PCNX1: variants seen among roughly 807,000 people sequenced by gnomAD.
PCNX1 encodes pecanex-like protein 1.
Under a neutral mutation model 242.2 loss-of-function variants are expected in PCNX1, and 78 were observed. That is an observed-to-expected ratio of 0.32 (90% CI 0.27 to 0.39). PCNX1 has a LOEUF of 0.39. PCNX1 is among the 10% of genes least tolerant of loss of function. PCNX1 has a pLI of 1.00. For synonymous variants in PCNX1, 1,024 were observed against 1,032.9 expected (o/e 0.99, Z 0.17); for missense variants, 2,581 against 2,856.5 (o/e 0.90, Z 2.20).
intron 1 of PCNX1, among the ~76,000 whole-genome samples, chr14:70,925,568 C>CT (rs71305848): frequency 0.096 from 10,222 of 106,864 alleles, 786 homozygotes; most frequent in African/African-American, 0.15. Flanking sequence ...CTTACCTCAT[C>CT]TTTTTTTTTT....
intron 1 of PCNX1, among the ~76,000 whole-genome samples, chr14:70,928,898 T>C (rs2056686537): frequency 1.3e-5 from 2 of 152,210 alleles, no homozygotes; most frequent in African/African-American, 2.4e-5. Context: ...CGTTACACTT[T>C]TGGCTTGCTG....
chr14:70,982,589 C>T (rs540376125), intron 6 of PCNX1, among the ~76,000 whole-genome samples: 1 of 152,254 alleles, frequency 6.6e-6, no homozygotes, highest in Middle Eastern at 3.4e-3. Flanking sequence ...AAAGCTTAGA[C>T]ATATATAAAA....
intron 18 of PCNX1, among the ~76,000 whole-genome samples, chr14:71,035,705 C>T (rs1462349575): frequency 1.3e-5 from 2 of 149,876 alleles, no homozygotes; most frequent in Non-Finnish European, 3.0e-5. Flanking sequence ...GTCAGGAGTT[C>T]GAGATCAGCC....
chr14:70,975,925 A>G (rs781316331), intron 5 of PCNX1, among the ~76,000 whole-genome samples: 2 of 152,114 alleles, frequency 1.3e-5, no homozygotes, highest in Admixed American at 6.6e-5. Context: ...TGCTATACCA[A>G]TAATGAAAGA....
In PCNX1 at chr14:70,941,914, G is replaced by C. The variant is rs1859467; in HGVS notation, c.154-5001G>C. Among the ~76,000 whole-genome samples the C allele has an allele frequency of 8.5e-4, 130 of 152,320 alleles. No homozygotes were observed. The Middle Eastern group carries it at 0.034, about 40-fold the overall frequency. ...TAGGAGTGAGCGAGGCTCTGTGGGC[G>C]TGGGACCCTCCGAACAAGGCGTGGG... On this transcript the variant is annotated intron_variant, in intron 1 of 35. Transcript: ENST00000304743.
intron 15 of PCNX1, among the ~76,000 whole-genome samples, chr14:71,027,792 A>G (rs2060277292): frequency 6.6e-6 from 1 of 151,924 alleles, no homozygotes; most frequent in Non-Finnish European, 1.5e-5. Context: ...GGTATGAATT[A>G]AGACAGAACT....
chr14:71,025,189 G>T (rs1385149990), intron 13 of PCNX1, among the ~76,000 whole-genome samples: 3 of 152,118 alleles, frequency 2.0e-5, no homozygotes, highest in Non-Finnish European at 2.9e-5. Context: ...GTATGTATTG[G>T]TGTGGATAAA....
rs377161291 is a variant in PCNX1 at position 71,000,640 on chromosome 14, C to G, written c.2629+4715C>G. Reference sequence around the variant, plus strand: ...CTCCTGGGTTCAAGCGATTTTGCTGCCTTAGCCTCCCGAGTAGCTGGGATT... The same window carrying G: ...CTCCTGGGTTCAAGCGATTTTGCTGGCTTAGCCTCCCGAGTAGCTGGGATT... On this transcript the variant is annotated intron_variant, in intron 8 of 35. Coordinates refer to ENST00000304743, the MANE Select transcript of PCNX1 (RefSeq NM_014982.3). Among the ~76,000 whole-genome samples the G allele has an allele frequency of 5.9e-5, 9 of 151,336 alleles. 1 individual carries two copies. The East Asian group carries it at 1.5e-3, about 26-fold the overall frequency.
chr14:70,911,520 T>C (rs940525530), intron 1 of PCNX1, among the ~76,000 whole-genome samples: 2 of 152,336 alleles, frequency 1.3e-5, no homozygotes, highest in African/African-American at 4.8e-5. Flanking sequence ...ACTCATTCTT[T>C]TTTATCTAGT....
intron 30 of PCNX1, among the ~76,000 whole-genome samples, chr14:71,095,113 C>CTCTT (rs10691472): frequency 0.55 from 83,042 of 151,544 alleles, 23,902 homozygotes; most frequent in East Asian, 0.74. Flanking sequence ...TTCATCTGTT[C>CTCTT]TCTTGTCCTC....
In PCNX1 at chr14:70,969,053, A is replaced by C; in HGVS notation, c.547A>C (p.Ile183Leu). 1 of 1,610,168 alleles carries C rather than the reference A, an allele frequency of 6.2e-7. No homozygotes were observed. The highest frequency in any genetic ancestry group is 1.3e-5 in the African/African-American group (1 of 74,950). The change falls in exon 5 of 36, where the codon ATC (isoleucine) becomes CTC (leucine). Residue 183 changes from isoleucine to leucine, a missense_variant. Ile to Leu is a conservative substitution (Grantham distance 5, BLOSUM62 2). This residue lies in a region of PCNX1 where 1,204 missense variants were observed against 1,216.7 expected (regional missense o/e 0.99). Coordinates refer to ENST00000304743, the MANE Select transcript of PCNX1 (RefSeq NM_014982.3). The stretch of plus-strand genomic sequence containing the variant: ...AGACACTGCTAAGACTTCTGATGAT[A>C]TCAGTTTAAGTCTGGGCCAAAGTTC... ...DTDTAKTSDDISLSLGQSSSL... is the reference protein window; with the variant it reads ...DTDTAKTSDDLSLSLGQSSSL...
intron 1 of PCNX1, among the ~76,000 whole-genome samples, chr14:70,914,897 G>T (rs553668335): frequency 6.6e-6 from 1 of 152,100 alleles, no homozygotes; most frequent in Non-Finnish European, 1.5e-5. Context: ...GCATGTTGTA[G>T]AATATCAGCG....
intron 19 of PCNX1, among the ~76,000 whole-genome samples, chr14:71,039,603 T>C (rs1422133546): frequency 6.6e-6 from 1 of 152,178 alleles, no homozygotes; most frequent in Non-Finnish European, 1.5e-5. Flanking sequence ...CCTGGTACAT[T>C]GTGAGAAGAG....
chr14:70,944,017 C>T (rs978673050), intron 1 of PCNX1, among the ~76,000 whole-genome samples: 1 of 152,214 alleles, frequency 6.6e-6, no homozygotes, highest in African/African-American at 2.4e-5. Flanking sequence ...GATGTCTGGG[C>T]AGAAGTCTGC....
At position 71,073,861 on chromosome 14, in the gene PCNX1, A is replaced by G. The variant is rs2061647153; in HGVS notation, c.5106+63A>G. On this transcript the variant is annotated intron_variant, in intron 27 of 35. Coordinates refer to ENST00000304743, the MANE Select transcript of PCNX1 (RefSeq NM_014982.3). ...GAGTTTCTTCTTGGGAATGACATAT[A>G]TAAGTATATATATATGTATATACTT... The G allele has an allele frequency of 5.8e-6, 7 of 1,210,614 alleles. No individual in the cohort carries two copies. In the East Asian group the frequency reaches 1.7e-4, roughly 29 times the overall value. The allele number at this position is 1,210,614 out of a possible 1,614,324, so 75.0% of individuals were successfully genotyped here.
At chr14:71,055,736 C>A (rs556535775) in intron 25 of PCNX1, among the ~76,000 whole-genome samples, 174 bp downstream of exon 25, 1 of 152,198 alleles carries the variant, frequency 6.6e-6, no homozygotes, top group African/African-American at 2.4e-5. Flanking sequence ...ACAGTATCTA[C>A]AGTTTATATG....
rs1013164230 is a variant in PCNX1 at position 71,073,476 on chromosome 14, G to C, written c.4853-69G>C. The C allele has an allele frequency of 2.2e-6, 3 of 1,388,004 alleles. No individual in the cohort carries two copies. In the African/African-American group the frequency reaches 4.3e-5, roughly 20 times the overall value. The allele number at this position is 1,388,004 out of a possible 1,614,324, so 86.0% of individuals were successfully genotyped here. ...ATATGTATTTTTTTCTAAATCTTAT[G>C]TGTCCTTGCATTCATTTTTCCCACT... On this transcript the variant is annotated intron_variant, in intron 26 of 35. Transcript: ENST00000304743.
Position 71,110,052 on chromosome 14 carries a change from T to C in PCNX1, c.*117T>C, listed in dbSNP as rs1417203181. Reference sequence around the variant, plus strand: ...CACTTTGATCCTATGTGGGAGCGACTGAAAATAGAATGAGCTTGGTTAAGC... The same window carrying C: ...CACTTTGATCCTATGTGGGAGCGACCGAAAATAGAATGAGCTTGGTTAAGC... On this transcript the variant is annotated 3_prime_UTR_variant, in exon 36 of 36. Coordinates refer to ENST00000304743, the MANE Select transcript of PCNX1 (RefSeq NM_014982.3). The C allele has an allele frequency of 4.3e-6, 4 of 927,548 alleles. No homozygotes were observed. Among genetic ancestry groups the C allele is most frequent in the Non-Finnish European group, 7.0e-6 (4 of 569,292 alleles). 57.5% of individuals were successfully genotyped at this position (927,548 alleles called of 1,614,324 possible). A position where few individuals can be genotyped will look rare whatever the true frequency, so the allele number is the denominator to read the frequency against.
intron 8 of PCNX1, among the ~76,000 whole-genome samples, chr14:71,007,759 A>T (rs1444185253): frequency 1.3e-5 from 2 of 152,084 alleles, no homozygotes; most frequent in Non-Finnish European, 2.9e-5. Flanking sequence ...TGCAATTAAA[A>T]TTTTTTTAAT....
Sources: allele counts gnomAD v4.1 joint callset (sites outside exome capture counted in the v4.1 genomes callset), GRCh38; gene constraint gnomAD v4.1.1; regional missense constraint gnomAD v4.1.1; transcripts MANE v1.5; gene names NCBI Gene and HGNC (gene_info 2026-07-23, HGNC 2026-07-21).